CEP128: variants seen among roughly 807,000 people sequenced by gnomAD.
CEP128 encodes centrosomal protein 128kDa.
A neutral mutation model predicts 156.7 loss-of-function variants in CEP128; 132 were observed. That is an observed-to-expected ratio of 0.84 (90% CI 0.73 to 0.97). CEP128 has a LOEUF of 0.97. CEP128 is among the 50% of genes least tolerant of loss of function. CEP128 has a pLI of 0.00. For missense variants in CEP128, 1,252 were observed against 1,281.9 expected (o/e 0.98, Z 0.36); for synonymous variants, 469 against 448.9 (o/e 1.04, Z -0.57).
chr14:80,539,213 A>T (rs1889627080), intron 21 of CEP128, among the ~76,000 whole-genome samples: 1 of 152,154 alleles, frequency 6.6e-6, no homozygotes, highest in African/African-American at 2.4e-5. Context: ...TGTCATAAAC[A>T]CTCTGAAGAA....
At chr14:80,677,544 C>T (rs1212101979) in intron 19 of CEP128, among the ~76,000 whole-genome samples, 1 of 150,040 alleles carries the variant, frequency 6.7e-6, no homozygotes, top group Non-Finnish European at 1.5e-5. Flanking sequence ...AACTCTTCTC[C>T]CACCCAGGTG....
chr14:80,759,681 T>C (rs905204064), intron 17 of CEP128, among the ~76,000 whole-genome samples: 1 of 152,170 alleles, frequency 6.6e-6, no homozygotes, highest in Non-Finnish European at 1.5e-5. Flanking sequence ...TGGATTGAAT[T>C]AGTCTTTCTC....
chr14:80,816,487 A>C (rs1295673955), intron 13 of CEP128, among the ~76,000 whole-genome samples: 1 of 152,168 alleles, frequency 6.6e-6, no homozygotes, highest in African/African-American at 2.4e-5. Context: ...AATGTTCTAC[A>C]ACAGAAGAGG....
chr14:80,539,399 C>T (rs906458248), intron 21 of CEP128, among the ~76,000 whole-genome samples: 8 of 152,058 alleles, frequency 5.3e-5, no homozygotes, highest in South Asian at 2.1e-4. Flanking sequence ...ACAGAGGGAC[C>T]GGCTGGAGCC....
At chr14:80,959,114 C>A (rs971446113) in intron 1 of CEP128, among the ~76,000 whole-genome samples, 3 of 152,116 alleles carry the variant, frequency 2.0e-5, no homozygotes, top group Admixed American at 1.3e-4. Flanking sequence ...GAGAGAGTTA[C>A]GGACTGTGGC....
At chr14:80,627,740 CTTTTT>C (rs11287309) in intron 19 of CEP128, among the ~76,000 whole-genome samples, 1 of 129,558 alleles carries the variant, frequency 7.7e-6, no homozygotes. Flanking sequence ...TTATTATTTT[CTTTTT>C]TTTTTTTTTT....
At chr14:80,845,416 C>T (rs1472597923) in intron 9 of CEP128, among the ~76,000 whole-genome samples, 1 of 152,100 alleles carries the variant, frequency 6.6e-6, no homozygotes. Flanking sequence ...AATCAAAAAA[C>T]AAATGCTCCT....
chr14:80,792,420 G>A (rs955089216), intron 14 of CEP128, among the ~76,000 whole-genome samples: 1 of 152,166 alleles, frequency 6.6e-6, no homozygotes, highest in Non-Finnish European at 1.5e-5. Context: ...GGAAAGTTGT[G>A]TGAAAATAAC....
chr14:80,805,456 T>C (rs897680527), intron 13 of CEP128, among the ~76,000 whole-genome samples: 5 of 152,138 alleles, frequency 3.3e-5, no homozygotes, highest in African/African-American at 1.2e-4. Flanking sequence ...GCCAATGATA[T>C]TATAAACACT....
chr14:80,600,874 A>G (rs1055274496), intron 19 of CEP128, among the ~76,000 whole-genome samples: 9 of 150,232 alleles, frequency 6.0e-5, no homozygotes, highest in Non-Finnish European at 3.0e-5. Flanking sequence ...CAAAGGAAAT[A>G]TAAGGTAACA....
chr14:80,663,797 A>G (rs980776564), intron 19 of CEP128, among the ~76,000 whole-genome samples: 1 of 152,170 alleles, frequency 6.6e-6, no homozygotes, highest in Non-Finnish European at 1.5e-5. Flanking sequence ...ATAATCACAG[A>G]TGGTTCACAT....
chr14:80,844,786 T>C (rs1381710871), intron 9 of CEP128, among the ~76,000 whole-genome samples: 1 of 152,108 alleles, frequency 6.6e-6, no homozygotes, highest in Non-Finnish European at 1.5e-5. Flanking sequence ...AAGATGTTTA[T>C]TATTTCAAGA....
At chr14:80,929,942 G>A (rs566253231) in intron 2 of CEP128, among the ~76,000 whole-genome samples, 33 of 152,284 alleles carry the variant, frequency 2.2e-4, no homozygotes, top group African/African-American at 7.0e-4. Flanking sequence ...GGTGAACAGC[G>A]GGTGGGTGAG....
chr14:80,607,891 C>A (rs1357508394), intron 19 of CEP128, among the ~76,000 whole-genome samples: 1 of 152,192 alleles, frequency 6.6e-6, no homozygotes, highest in African/African-American at 2.4e-5. Flanking sequence ...TCCAACCAAC[C>A]TTTCCACACC....
chr14:80,517,680 G>C (rs1403605746), intron 23 of CEP128, among the ~76,000 whole-genome samples: 3 of 152,196 alleles, frequency 2.0e-5, no homozygotes, highest in African/African-American at 2.4e-5. Flanking sequence ...ATGGCGGCAA[G>C]CCTCTTGTTC....
At position 80,881,015 on chromosome 14, in the gene CEP128, TA is replaced by T. The variant is rs985795698; in HGVS notation, c.645+14702del. ...AAAACAGTTCCATTTATGATAGCAT[TA>T]AAAAAAAAACTGAAGCAAGAATAAA... On this transcript the variant is annotated intron_variant, in intron 8 of 24. Coordinates refer to ENST00000555265, the MANE Select transcript of CEP128 (RefSeq NM_152446.5). Among the ~76,000 whole-genome samples the T allele has an allele frequency of 5.0e-3, 699 of 139,884 alleles. 8 individuals are homozygous for T. Among genetic ancestry groups the T allele is most frequent in the African/African-American group, 0.018 (670 of 38,250 alleles). 91.8% of individuals were successfully genotyped at this position (139,884 alleles called of 152,430 possible). A position where few individuals can be genotyped will look rare whatever the true frequency, so the allele number is the denominator to read the frequency against.
At chr14:80,526,474 C>T (rs1321330886) in intron 23 of CEP128, among the ~76,000 whole-genome samples, 1 of 151,994 alleles carries the variant, frequency 6.6e-6, no homozygotes, top group East Asian at 1.9e-4. Flanking sequence ...GACTAGAATT[C>T]CAAAGTACAA....
At chr14:80,568,084 T>A (rs551621404) in intron 20 of CEP128, among the ~76,000 whole-genome samples, 5 of 152,290 alleles carry the variant, frequency 3.3e-5, no homozygotes, top group African/African-American at 1.2e-4. Flanking sequence ...GCAGAACTTG[T>A]GGAAAATAAG....
rs145083976 is a variant in CEP128, at chr14:80,675,942, A to C, written c.2806+67133T>G. On this transcript the variant is annotated intron_variant, in intron 19 of 24. Coordinates refer to ENST00000555265, the MANE Select transcript of CEP128 (RefSeq NM_152446.5). ...TTCATCCATGAACCAATGCCACACT[A>C]GTCTTGATAACTAAAACTTCACAAA... is the stretch of plus-strand genomic sequence containing the variant. Among the ~76,000 whole-genome samples, 527 of 152,218 alleles carry C rather than the reference A, an allele frequency of 3.5e-3. 5 individuals are homozygous for C. Among genetic ancestry groups the C allele is most frequent in the African/African-American group, 0.012 (495 of 41,572 alleles).
Sources: gnomAD v4.1 joint callset for allele counts (sites outside exome capture counted in the v4.1 genomes callset) on GRCh38, gnomAD v4.1.1 for gene constraint, MANE v1.5 for transcripts, NCBI Gene and HGNC (gene_info 2026-07-23, HGNC 2026-07-21) for gene names.